The following DCTN4 variants were observed in gnomAD, a reference collection of about 807,000 sequenced individuals.
DCTN4 encodes dynactin 4 (p62).
DCTN4 carries 23 observed loss-of-function variants against 62.7 expected under a neutral mutation model. The observed-to-expected ratio is 0.37, with a 90% confidence interval of 0.26 to 0.52. DCTN4 has a LOEUF of 0.52. Ranked by LOEUF, DCTN4 falls within the 20% of genes least tolerant of loss-of-function variation. DCTN4 has a pLI of 0.92. For missense variants in DCTN4, 514 were observed against 580.4 expected (o/e 0.89, Z 1.18); for synonymous variants, 199 against 202.1 (o/e 0.98, Z 0.13).
chr5:150,722,862 A>G, intron 9 of DCTN4, 45 bp downstream of exon 9: 1 of 1,509,648 alleles, frequency 6.6e-7, no homozygotes, highest in Non-Finnish European at 9.1e-7. Flanking sequence ...ATAAACCAAA[A>G]TAACTCAAAA....
intron 3 of DCTN4, among the ~76,000 whole-genome samples, chr5:150,750,426 C>T (rs1052353409): frequency 3.3e-5 from 5 of 152,128 alleles, no homozygotes; most frequent in Admixed American, 2.0e-4. Context: ...TAAGGATGTA[C>T]ACAACTTATG....
In DCTN4 at chr5:150,736,858, G is replaced by A. The variant is rs77174342; in HGVS notation, c.430-3383C>T. On this transcript the variant is annotated intron_variant, in intron 4 of 12. Transcript: ENST00000447998. The stretch of plus-strand genomic sequence containing the variant: ...ACAATTTACCAACCAAGTATCTGCC[G>A]TCTTCAAGAGACTCACCTAACACCT... 2.6e-3 allele frequency among the ~76,000 whole-genome samples: 391 copies of A among 152,262 alleles called. 1 individual carries two copies. Among genetic ancestry groups the A allele is most frequent in the African/African-American group, 8.4e-3 (348 of 41,550 alleles).
chr5:150,748,028 C>T (rs1466347249), intron 3 of DCTN4, among the ~76,000 whole-genome samples: 17 of 149,544 alleles, frequency 1.1e-4, no homozygotes, highest in East Asian at 2.0e-4. Context: ...AGAAAATTTT[C>T]GCAACCTACT....
At chr5:150,723,081 G>A (rs1051630307) in intron 8 of DCTN4, 101 bp from the exon 9 acceptor site, 1 of 843,472 alleles carries the variant, frequency 1.2e-6, no homozygotes. Context: ...CGAGAATTTT[G>A]TTTTGTTTTG....
intron 12 of DCTN4, among the ~76,000 whole-genome samples, chr5:150,712,137 TTTA>T (rs1183230129): frequency 6.6e-6 from 1 of 152,170 alleles, no homozygotes; most frequent in Non-Finnish European, 1.5e-5. Flanking sequence ...TATTTATTTA[TTTA>T]TTTTTTTGAG....
intron 12 of DCTN4, among the ~76,000 whole-genome samples, chr5:150,712,572 C>T (rs767088363): frequency 1.9e-4 from 29 of 152,224 alleles, no homozygotes; most frequent in Non-Finnish European, 3.5e-4. Context: ...GGATTATAGG[C>T]ATGAGCCACC....
rs1759534914 is a variant in DCTN4 at position 150,710,880 on chromosome 5, T to C, written c.*269A>G. 8 of 459,154 alleles carry C rather than the reference T, an allele frequency of 1.7e-5. No homozygotes were observed. In the South Asian group the frequency reaches 1.9e-4, roughly 11 times the overall value. The allele number at this position is 459,154 out of a possible 1,614,324, so 28.4% of individuals were successfully genotyped here. A position where few individuals can be genotyped will look rare whatever the true frequency, so the allele number is the denominator to read the frequency against. ...TCCAAGGAACACCCATCCCCTTTCC[T>C]AGGATGGAATTATGCTGCTGTTACT... On this transcript the variant is annotated 3_prime_UTR_variant, in exon 13 of 13. Coordinates refer to ENST00000447998, the MANE Select transcript of DCTN4 (RefSeq NM_016221.4).
chr5:150,730,778 G>T lies in DCTN4; in HGVS notation c.725-38C>A. Reference sequence around the variant, plus strand: ...GCAGAAAACAGGCTTAGTTTACAGTGACTTTCAAAATCAGACTTTTATGTA... The same window carrying T: ...GCAGAAAACAGGCTTAGTTTACAGTTACTTTCAAAATCAGACTTTTATGTA... On this transcript the variant is annotated intron_variant, in intron 7 of 12. Coordinates refer to ENST00000447998, the MANE Select transcript of DCTN4 (RefSeq NM_016221.4). 4 of 1,568,614 alleles carry T rather than the reference G, an allele frequency of 2.6e-6. No homozygotes were observed. The South Asian group carries it at 3.3e-5, about 13-fold the overall frequency.
chr5:150,744,475 A>G (rs1402171940), intron 3 of DCTN4, among the ~76,000 whole-genome samples: 2 of 152,158 alleles, frequency 1.3e-5, no homozygotes, highest in Non-Finnish European at 2.9e-5. Flanking sequence ...AGCAACTCCA[A>G]GACACATAAT....
chr5:150,709,349 C>G lies in DCTN4; in HGVS notation c.*1800G>C, dbSNP rs1367850863. 1.3e-5 allele frequency: 2 copies of G among 152,300 alleles called. No homozygotes were observed. The highest frequency in any genetic ancestry group is 4.8e-5 in the African/African-American group (2 of 41,440). 9.4% of individuals were successfully genotyped at this position (152,300 alleles called of 1,614,324 possible). On this transcript the variant is annotated 3_prime_UTR_variant, in exon 13 of 13. Transcript: ENST00000447998. Reference sequence around the variant, plus strand: ...CATAAACGCATGACATGTGTGTAGTCTATGCAAACGTGTAAACATATGAAG... The same window carrying G: ...CATAAACGCATGACATGTGTGTAGTGTATGCAAACGTGTAAACATATGAAG...
At chr5:150,756,589 G>T in intron 1 of DCTN4, 102 bp from the exon 2 acceptor site, 1 of 590,298 alleles carries the variant, frequency 1.7e-6, no homozygotes, top group Non-Finnish European at 2.8e-6. Flanking sequence ...TTATACTGTA[G>T]CAGAAAGTAG....
rs1192869190 is a variant in DCTN4, at chr5:150,731,754, A to G, written c.538-265T>C. The G allele has an allele frequency of 3.5e-6, 3 of 847,834 alleles. No individual in the cohort carries two copies. The African/African-American group carries it at 5.1e-5, about 14-fold the overall frequency. 52.5% of individuals were successfully genotyped at this position (847,834 alleles called of 1,614,324 possible). ...AATGTGAGCTTCTGCTAGTAATCTAAAAGTATCTAAGCTACGGCTCAGGCA... is the reference window on the plus strand; with the variant it reads ...AATGTGAGCTTCTGCTAGTAATCTAGAAGTATCTAAGCTACGGCTCAGGCA... On this transcript the variant is annotated intron_variant, in intron 5 of 12. Coordinates refer to ENST00000447998, the MANE Select transcript of DCTN4 (RefSeq NM_016221.4).
rs978006910 is a variant in DCTN4, at chr5:150,743,999, A to G, written c.386-1842T>C. On this transcript the variant is annotated intron_variant, in intron 3 of 12. Coordinates refer to ENST00000447998, the MANE Select transcript of DCTN4 (RefSeq NM_016221.4). The stretch of plus-strand genomic sequence containing the variant: ...AGACAATCAAACTACTCCGAGCTAC[A>G]GGAGGAAATTCGAACCAAAGGCAAA... Among the ~76,000 whole-genome samples, 8 of 152,220 alleles carry G rather than the reference A, an allele frequency of 5.3e-5. No individual in the cohort carries two copies. In the East Asian group the frequency reaches 1.5e-3, roughly 29 times the overall value.
At chr5:150,754,366 T>C (rs749278261) in intron 2 of DCTN4, among the ~76,000 whole-genome samples, 2 of 152,218 alleles carry the variant, frequency 1.3e-5, no homozygotes, top group African/African-American at 2.4e-5. Context: ...AAGATAATAA[T>C]AGTACTCACC....
intron 12 of DCTN4, 88 bp downstream of exon 12, chr5:150,715,474 ATTT>A (rs1759719464): frequency 1.0e-6 from 1 of 971,216 alleles, no homozygotes; most frequent in Non-Finnish European, 1.5e-6. Context: ...GAAAAAAGTT[ATTT>A]TAAAAAATCC....
intron 4 of DCTN4, among the ~76,000 whole-genome samples, chr5:150,740,628 C>T (rs77872445): frequency 0.051 from 7,728 of 152,046 alleles, 649 homozygotes; most frequent in African/African-American, 0.18. Flanking sequence ...AATTCACAGC[C>T]GCAAAAATAG....
intron 4 of DCTN4, 78 bp from the exon 5 acceptor site, chr5:150,733,553 C>T (rs1270144755): frequency 2.0e-6 from 2 of 981,646 alleles, no homozygotes; most frequent in Non-Finnish European, 3.1e-6. Context: ...ACTGACTAGA[C>T]ACATAATGAA....
intron 3 of DCTN4, among the ~76,000 whole-genome samples, chr5:150,745,241 C>T (rs987832829): frequency 1.3e-5 from 2 of 150,356 alleles, no homozygotes; most frequent in Non-Finnish European, 2.9e-5. Flanking sequence ...GAAGCGCTAA[C>T]TATCCTAAAT....
At chr5:150,746,947 G>T in intron 3 of DCTN4, among the ~76,000 whole-genome samples, 2 of 152,118 alleles carry the variant, frequency 1.3e-5, no homozygotes, top group Non-Finnish European at 2.9e-5. Flanking sequence ...AGGGCAATCA[G>T]GCAGGAGAAG....
Sources: gnomAD v4.1 joint callset for allele counts (sites outside exome capture counted in the v4.1 genomes callset) on GRCh38, gnomAD v4.1.1 for gene constraint, MANE v1.5 for transcripts, NCBI Gene and HGNC (gene_info 2026-07-23, HGNC 2026-07-21) for gene names.